Variants in ADCY1 observed in about 807,000 individuals in gnomAD.
The protein encoded by ADCY1 is adenylate cyclase 1, also known as adenylate cyclase type 1.
A neutral mutation model predicts 105.4 loss-of-function variants in ADCY1; 28 were observed. The ratio of observed to expected loss-of-function variants is 0.27; its 90% CI spans 0.20 to 0.36. The LOEUF (loss-of-function observed/expected upper bound fraction) is 0.36. ADCY1 is among the 10% of genes least tolerant of loss of function. The probability of loss-of-function intolerance (pLI) is 1.00; values close to 1 mark genes in which losing one functional copy is unlikely to be tolerated. For synonymous variants in ADCY1, 655 were observed against 623.8 expected (o/e 1.05, Z -0.75); for missense variants, 977 against 1,434.2 (o/e 0.68, Z 5.15).
At chr7:45,706,370 GA>G (rs1785116819) in intron 17 of ADCY1, among the ~76,000 whole-genome samples, 1 of 151,682 alleles carries the variant, frequency 6.6e-6, no homozygotes, top group Non-Finnish European at 1.5e-5. Flanking sequence ...ACAGACTAGG[GA>G]GCCCAGAAAT....
chr7:45,667,993 T>C (rs934744677), intron 8 of ADCY1, among the ~76,000 whole-genome samples: 4 of 152,258 alleles, frequency 2.6e-5, no homozygotes, highest in African/African-American at 9.6e-5. Flanking sequence ...CCTGAGACTT[T>C]GCTGAAGTTG....
Position 45,720,467 on chromosome 7 carries a change from G to T in ADCY1, c.*6472G>T, listed in dbSNP as rs1012260571. On this transcript the variant is annotated 3_prime_UTR_variant, in exon 20 of 20. Coordinates refer to ENST00000297323, the MANE Select transcript of ADCY1 (RefSeq NM_021116.4). Reference sequence around the variant, plus strand: ...GGAGGCGGAGGTTGCAGTGAGCTGAGATTGCACCATTGCACTCCAGCCTGG... The same window carrying T: ...GGAGGCGGAGGTTGCAGTGAGCTGATATTGCACCATTGCACTCCAGCCTGG... The T allele has an allele frequency of 2.0e-5, 3 of 149,782 alleles. No homozygotes were observed. Among genetic ancestry groups the T allele is most frequent in the African/African-American group, 7.4e-5 (3 of 40,526 alleles). The allele number at this position is 149,782 out of a possible 1,614,324, so 9.3% of individuals were successfully genotyped here.
intron 11 of ADCY1, among the ~76,000 whole-genome samples, chr7:45,681,986 C>T (rs142959127): frequency 6.6e-6 from 1 of 152,168 alleles, no homozygotes; most frequent in Non-Finnish European, 1.5e-5. Flanking sequence ...TATCTGGTTT[C>T]CCCATCCCCA....
chr7:45,590,417 G>C (rs538037905), intron 1 of ADCY1, among the ~76,000 whole-genome samples: 149 of 152,284 alleles, frequency 9.8e-4, no homozygotes, highest in African/African-American at 3.5e-3. Flanking sequence ...CTCCTGTGCA[G>C]GCTCCTCCGC....
intron 4 of ADCY1, among the ~76,000 whole-genome samples, chr7:45,646,307 G>A (rs1280076579): frequency 1.3e-5 from 2 of 152,180 alleles, no homozygotes; most frequent in African/African-American, 2.4e-5. Flanking sequence ...AGAGACTGGC[G>A]CTGGCAGCCC....
intron 4 of ADCY1, among the ~76,000 whole-genome samples, chr7:45,645,705 C>G (rs1209336362): frequency 6.6e-6 from 1 of 152,092 alleles, no homozygotes; most frequent in African/African-American, 2.4e-5. Flanking sequence ...CTAGCAGTTG[C>G]CCACAATCCC....
intron 17 of ADCY1, among the ~76,000 whole-genome samples, chr7:45,707,608 T>C (rs1299139320): frequency 6.6e-6 from 1 of 152,210 alleles, no homozygotes; most frequent in Non-Finnish European, 1.5e-5. Context: ...ATAAATGTCA[T>C]GCATTTAGAA....
intron 8 of ADCY1, among the ~76,000 whole-genome samples, chr7:45,666,562 A>G (rs1017343510): frequency 3.9e-5 from 6 of 152,194 alleles, no homozygotes; most frequent in African/African-American, 1.4e-4. Context: ...AGTCTTTGCT[A>G]TTGTGAATAG....
rs756989071 is a variant in ADCY1, at chr7:45,703,390, A to T, written c.2469A>T (p.Arg823=). 2.5e-6 allele frequency: 4 copies of T among 1,614,054 alleles called. No homozygotes were observed. Among genetic ancestry groups the T allele is most frequent in the Non-Finnish European group, 3.4e-6 (4 of 1,179,978 alleles). Reference sequence around the variant, plus strand: ...TGATACCCCAGGCAGAGGAGGAGCGAGAGGACATGGAGAAGGTGAAGCTGG... The same window carrying T: ...TGATACCCCAGGCAGAGGAGGAGCGTGAGGACATGGAGAAGGTGAAGCTGG... The part of the protein sequence containing the change: ...YLWAAQAEEE[R]EDMEKVKLDN... The change falls in exon 15 of 20, where the codon CGA becomes CGT. Residue 823 remains arginine (R), a synonymous_variant. Transcript: ENST00000297323. The surrounding 1 kb of genome is among the most constrained non-coding windows in gnomAD (Gnocchi z 5.9).
chr7:45,714,336 A>C lies in ADCY1; in HGVS notation c.*341A>C. ...TGGCCAGGTCGGCATCAATGTAAGG[A>C]CCTTCAGAGCATCCCAGGGTTACAG... is the stretch of plus-strand genomic sequence containing the variant. On this transcript the variant is annotated 3_prime_UTR_variant, in exon 20 of 20. Transcript: ENST00000297323. 6.6e-6 allele frequency: 2 copies of C among 302,940 alleles called. No individual in the cohort carries two copies. Among genetic ancestry groups the C allele is most frequent in the Non-Finnish European group, 1.2e-5 (2 of 162,034 alleles). The allele number at this position is 302,940 out of a possible 1,614,324, so 18.8% of individuals were successfully genotyped here.
At position 45,591,720 on chromosome 7, in the gene ADCY1, A is replaced by C. The variant is rs897876980; in HGVS notation, c.640-1039A>C. 1.3e-5 allele frequency among the ~76,000 whole-genome samples: 2 copies of C among 152,220 alleles called. No homozygotes were observed. Among genetic ancestry groups the C allele is most frequent in the Non-Finnish European group, 2.9e-5 (2 of 68,040 alleles). Reference sequence around the variant, plus strand: ...GTCAGAGTTGCCTGTGTCCAGACCCAGTGGTCTGCAAGACGTAGAGACAGA... The same window carrying C: ...GTCAGAGTTGCCTGTGTCCAGACCCCGTGGTCTGCAAGACGTAGAGACAGA... On this transcript the variant is annotated intron_variant, in intron 1 of 19. Coordinates refer to ENST00000297323, the MANE Select transcript of ADCY1 (RefSeq NM_021116.4). This position sits in a 1 kb window ranked among gnomAD's most constrained non-coding sequence, Gnocchi z 4.1.
chr7:45,648,676 C>T lies in ADCY1; in HGVS notation c.1027C>T (p.His343Tyr). ...GKFDELATEN[H>Y]CRRIKILGDC... Reference sequence around the variant, plus strand: ...GCCTTGCCCTTCCCTGAAGGAGAACCACTGTCGCCGCATCAAGATTCTCGG... The same window carrying T: ...GCCTTGCCCTTCCCTGAAGGAGAACTACTGTCGCCGCATCAAGATTCTCGG... The change falls in exon 5 of 20, where the codon CAC becomes TAC. Residue 343 changes from histidine to tyrosine, a missense_variant. Around this residue, in one of 7 missense-constraint regions of ADCY1, gnomAD observed 196 missense variants for 347.8 expected, o/e 0.56. Coordinates refer to ENST00000297323, the MANE Select transcript of ADCY1 (RefSeq NM_021116.4). 6.2e-7 allele frequency: 1 copy of T among 1,614,182 alleles called. No homozygotes were observed. Among genetic ancestry groups the T allele is most frequent in the Non-Finnish European group, 8.5e-7 (1 of 1,180,016 alleles).
Position 45,657,764 on chromosome 7 carries a change from C to T in ADCY1, c.1186C>T (p.Arg396Cys). The T allele has an allele frequency of 1.2e-6, 2 of 1,613,996 alleles. No homozygotes were observed. The highest frequency in any genetic ancestry group is 1.7e-6 in the Non-Finnish European group (2 of 1,179,954). The change falls in exon 6 of 20, where the codon CGT (arginine) becomes TGT (cysteine). Residue 396 changes from arginine (R) to cysteine (C), a missense_variant. Arg to Cys is a radical substitution (Grantham distance 180, BLOSUM62 -3). Transcript: ENST00000297323. ...AGCCACCGAGGTGGATCTGAACATG[C>T]GTGTGGGTCTGCACACGGGCAGGGT... ...AEATEVDLNMRVGLHTGRVLC... is the reference protein window; with the variant it reads ...AEATEVDLNMCVGLHTGRVLC...
chr7:45,608,149 T>C (rs750248925), intron 2 of ADCY1, among the ~76,000 whole-genome samples: 14 of 152,252 alleles, frequency 9.2e-5, no homozygotes, highest in Non-Finnish European at 1.9e-4. Flanking sequence ...TTCTGACTTC[T>C]GTGAGATGGT....
intron 6 of ADCY1, 107 bp downstream of exon 6, chr7:45,657,992 G>A (rs1562710693): frequency 7.7e-7 from 1 of 1,292,566 alleles, no homozygotes. Flanking sequence ...GGGCACTTGT[G>A]TGAGTGCTCC....
intron 14 of ADCY1, among the ~76,000 whole-genome samples, chr7:45,692,735 TTTG>T (rs1184819731): frequency 1.2e-4 from 18 of 152,142 alleles, no homozygotes; most frequent in African/African-American, 4.3e-4. Context: ...TGGTGATAGA[TTTG>T]TTAAGTAATT....
chr7:45,625,981 GAGA>G (rs1794051475), intron 4 of ADCY1, among the ~76,000 whole-genome samples: 1 of 152,220 alleles, frequency 6.6e-6, no homozygotes, highest in South Asian at 2.1e-4. Flanking sequence ...CCATGTCCAA[GAGA>G]AGGAGATTGA....
intron 14 of ADCY1, among the ~76,000 whole-genome samples, chr7:45,694,559 A>G (rs1784846704): frequency 6.6e-6 from 1 of 152,232 alleles, no homozygotes; most frequent in Non-Finnish European, 1.5e-5. Flanking sequence ...AAAAGAGGAA[A>G]TTAAACCAAA....
chr7:45,671,111 T>A (rs1322584273), intron 8 of ADCY1, among the ~76,000 whole-genome samples: 1 of 152,234 alleles, frequency 6.6e-6, no homozygotes, highest in African/African-American at 2.4e-5. Context: ...CCTCATTATC[T>A]CCAGCTTCAG....
Sources: allele counts gnomAD v4.1 joint callset (sites outside exome capture counted in the v4.1 genomes callset), GRCh38; gene constraint gnomAD v4.1.1; regional missense constraint gnomAD v4.1.1; non-coding constraint Gnocchi (gnomAD v3.1); transcripts MANE v1.5; gene names NCBI Gene and HGNC (gene_info 2026-07-23, HGNC 2026-07-21).